LTBP1: variants seen among roughly 807,000 people sequenced by gnomAD.
LTBP1 encodes latent transforming growth factor beta binding protein 1.
Under a neutral mutation model 207.6 loss-of-function variants are expected in LTBP1, and 129 were observed. The observed-to-expected ratio is 0.62, with a 90% CI of 0.54 to 0.72. The LOEUF is 0.72. Among genes scored for constraint, LTBP1 ranks in the 30% least tolerant of loss-of-function variants. The pLI is 0.00. For missense variants in LTBP1, 2,281 were observed against 2,217.2 expected, an observed-to-expected ratio of 1.03 and a Z score of -0.58; for synonymous variants, 963 against 833.7, an observed-to-expected ratio of 1.16 and a Z score of -2.67.
chr2:33,307,968 G>A (rs910756391), intron 22 of LTBP1, among the ~76,000 whole-genome samples: 2 of 152,152 alleles, frequency 1.3e-5, no homozygotes, highest in African/African-American at 2.4e-5. Flanking sequence ...CCAGACAGCC[G>A]GGCGTATTAG....
intron 3 of LTBP1, among the ~76,000 whole-genome samples, chr2:33,069,305 C>T (rs1340580089): frequency 6.6e-6 from 1 of 152,190 alleles, no homozygotes; most frequent in African/African-American, 2.4e-5. Flanking sequence ...CATTCATACC[C>T]ACACCCTCTC....
At chr2:33,114,801 A>G (rs1384400674) in intron 4 of LTBP1, among the ~76,000 whole-genome samples, 1 of 152,190 alleles carries the variant, frequency 6.6e-6, no homozygotes, top group Non-Finnish European at 1.5e-5. Context: ...TCCCAGCCAT[A>G]TCACAACACA....
chr2:33,114,187 G>T (rs1426464530), intron 4 of LTBP1, among the ~76,000 whole-genome samples: 1 of 152,172 alleles, frequency 6.6e-6, no homozygotes, highest in African/African-American at 2.4e-5. Flanking sequence ...GTGGTGTTCT[G>T]CTTTATTTGT....
intron 15 of LTBP1, among the ~76,000 whole-genome samples, chr2:33,264,783 C>G (rs547109971): frequency 6.6e-6 from 1 of 152,196 alleles, no homozygotes; most frequent in Non-Finnish European, 1.5e-5. Flanking sequence ...TGTTGGGGTT[C>G]TCCAGAGAGA....
intron 2 of LTBP1, among the ~76,000 whole-genome samples, chr2:32,992,784 G>A (rs769067316): frequency 2.0e-5 from 3 of 152,164 alleles, no homozygotes; most frequent in Non-Finnish European, 4.4e-5. Flanking sequence ...AGGAGATCCT[G>A]CAGGGGGTTC....
chr2:33,190,290 A>T (rs2087714943), intron 7 of LTBP1, among the ~76,000 whole-genome samples: 1 of 152,176 alleles, frequency 6.6e-6, no homozygotes, highest in Non-Finnish European at 1.5e-5. Context: ...ACTAGATGAG[A>T]TACATTTATT....
At chr2:33,303,155 T>G (rs1328946879) in intron 22 of LTBP1, among the ~76,000 whole-genome samples, 2 of 151,892 alleles carry the variant, frequency 1.3e-5, no homozygotes, top group African/African-American at 4.8e-5. Flanking sequence ...GTTGGTGGTG[T>G]TGGAGGGAGA....
At position 33,066,543 on chromosome 2, in the gene LTBP1, G is replaced by C. The variant is rs77031395; in HGVS notation, c.864-44039G>C. On this transcript the variant is annotated intron_variant, in intron 3 of 33. Transcript: ENST00000404816. ...GTCATACTTTAAAAGGCATAGTGGA[G>C]TATGGATTATTTTGTTATTAAATTA... Among the ~76,000 whole-genome samples, 83 of 152,270 alleles carry C rather than the reference G, an allele frequency of 5.5e-4. 1 individual carries two copies. Among genetic ancestry groups the C allele is most frequent in the South Asian group, 1.0e-3 (5 of 4,822 alleles).
Position 33,182,697 on chromosome 2 carries a change from T to TACACACACAC in LTBP1, c.1202-4158_1202-4157insCACACACACA, listed in dbSNP as rs1286844023. Among the ~76,000 whole-genome samples the TACACACACAC allele has an allele frequency of 1.8e-4, 16 of 87,874 alleles. 1 individual carries two copies. The highest frequency in any genetic ancestry group is 7.1e-4 in the African/African-American group (15 of 21,164). 57.6% of individuals were successfully genotyped at this position (87,874 alleles called of 152,430 possible). The stretch of plus-strand genomic sequence containing the variant: ...AGAAGAAAAGATGGTGATATATATA[T>TACACACACAC]ATACACACACACACACACACACACA... On this transcript the variant is annotated intron_variant, in intron 5 of 33. Coordinates refer to ENST00000404816, the MANE Select transcript of LTBP1 (RefSeq NM_206943.4).
intron 19 of LTBP1, among the ~76,000 whole-genome samples, chr2:33,290,390 T>G (rs1432570970): frequency 6.6e-6 from 1 of 152,182 alleles, no homozygotes; most frequent in Non-Finnish European, 1.5e-5. Flanking sequence ...GGGCCAAGCC[T>G]TCTGCTATCA....
At chr2:32,959,619 A>ATTTTTTTTTTTTTT (rs1378144146) in intron 2 of LTBP1, among the ~76,000 whole-genome samples, 96 of 48,034 alleles carry the variant, frequency 2.0e-3, no homozygotes, top group South Asian at 2.9e-3. Flanking sequence ...ATATATATAT[A>ATTTTTTTTTTTTTT]TATTTTTTTT....
chr2:33,384,996 A>C (rs1291556206), intron 31 of LTBP1, among the ~76,000 whole-genome samples: 1 of 152,002 alleles, frequency 6.6e-6, no homozygotes, highest in Non-Finnish European at 1.5e-5. Flanking sequence ...CTATAAACCT[A>C]TTCTCTTCTG....
intron 4 of LTBP1, among the ~76,000 whole-genome samples, chr2:33,119,350 T>C (rs967180973): frequency 6.6e-6 from 1 of 152,174 alleles, no homozygotes; most frequent in Non-Finnish European, 1.5e-5. Flanking sequence ...AATTAATCAT[T>C]ATTAGAACAG....
chr2:33,190,780 T>C (rs1453469252), intron 7 of LTBP1, among the ~76,000 whole-genome samples: 1 of 151,782 alleles, frequency 6.6e-6, no homozygotes, highest in Non-Finnish European at 1.5e-5. Flanking sequence ...TTCAGTAAGA[T>C]AGGGGACAGC....
chr2:33,071,238 CGGAA>C (rs2077770604), intron 3 of LTBP1, among the ~76,000 whole-genome samples: 1 of 151,964 alleles, frequency 6.6e-6, no homozygotes, highest in Non-Finnish European at 1.5e-5. Context: ...TGGCTTTTGG[CGGAA>C]GGCCTCATTC....
In LTBP1 at chr2:32,947,680, A is replaced by G; in HGVS notation, c.356A>G (p.His119Arg). 6.7e-7 allele frequency: 1 copy of G among 1,488,094 alleles called. No individual in the cohort carries two copies. Among genetic ancestry groups the G allele is most frequent in the Non-Finnish European group, 9.0e-7 (1 of 1,117,042 alleles). 92.2% of individuals were successfully genotyped at this position (1,488,094 alleles called of 1,614,324 possible). Residue 119 changes from histidine (H) to arginine (R), a missense_variant, in exon 1 of 34, where the codon CAC (histidine) becomes CGC (arginine). His to Arg is a conservative substitution (Grantham distance 29). This residue lies in a region of LTBP1 where 555 missense variants were observed against 491.0 expected (regional missense o/e 1.13). Coordinates refer to ENST00000404816, the MANE Select transcript of LTBP1 (RefSeq NM_206943.4). ...ARPAVPGGQL[H>R]PNPGGHPAAA... is the part of the protein sequence containing the mutation. ...CCCGCGGTCCCCGGCGGGCAGCTCC[A>G]CCCCAATCCCGGCGGCCACCCGGCA...
intron 24 of LTBP1, among the ~76,000 whole-genome samples, chr2:33,329,349 G>A (rs896094154): frequency 1.3e-5 from 2 of 152,104 alleles, no homozygotes; most frequent in Admixed American, 1.3e-4. Context: ...CAAATGAAGT[G>A]CTCAAAACAA....
At chr2:32,974,895 C>T (rs752664953) in intron 2 of LTBP1, among the ~76,000 whole-genome samples, 3 of 152,280 alleles carry the variant, frequency 2.0e-5, no homozygotes, top group East Asian at 1.9e-4. Flanking sequence ...TTAATACTGA[C>T]GTGTGGATTT....
chr2:33,217,658 A>G lies in LTBP1; in HGVS notation c.1804+4A>G. 2 of 1,605,938 alleles carry G rather than the reference A, an allele frequency of 1.2e-6. No individual in the cohort carries two copies. Among genetic ancestry groups the G allele is most frequent in the Non-Finnish European group, 1.7e-6 (2 of 1,173,030 alleles). On this transcript the variant is annotated splice_donor_region_variant and intron_variant, in intron 8 of 33. Transcript: ENST00000404816. ...CAGAAATGCCCCAAGAAACCATGTA[A>G]GTAATGTTTCCTCACTCCTTTGCAG...
Sources: gnomAD v4.1 joint callset for allele counts (sites outside exome capture counted in the v4.1 genomes callset) on GRCh38, gnomAD v4.1.1 for gene constraint, gnomAD v4.1.1 regional missense constraint, MANE v1.5 for transcripts, NCBI Gene and HGNC (gene_info 2026-07-23, HGNC 2026-07-21) for gene names.